Variants in PDE1A observed in about 807,000 individuals in gnomAD.
The protein encoded by PDE1A is dual specificity calcium/calmodulin-dependent 3',5'-cyclic nucleotide phosphodiesterase 1A.
PDE1A carries 35 observed loss-of-function variants against 61.7 expected under a neutral mutation model. The ratio of observed to expected loss-of-function variants is 0.57; its 90% confidence interval spans 0.43 to 0.75. The LOEUF (loss-of-function observed/expected upper bound fraction) is 0.75. PDE1A is among the 30% of genes least tolerant of loss of function. The pLI is 0.00. For missense variants in PDE1A, 597 were observed against 630.6 expected (o/e 0.95, Z 0.57); for synonymous variants, 232 against 213.2 (o/e 1.09, Z -0.77).
intron 8 of PDE1A, among the ~76,000 whole-genome samples, chr2:182,204,277 A>G (rs2125490707): frequency 6.6e-6 from 1 of 152,346 alleles, no homozygotes; most frequent in South Asian, 2.1e-4. Context: ...ACCTTTGCCC[A>G]TCTAATCGCT....
chr2:182,588,562 C>A, the PDE1A span, among the ~76,000 whole-genome samples: 1 of 152,248 alleles, frequency 6.6e-6, no homozygotes, highest in East Asian at 1.9e-4. Context: ...AACCATATGA[C>A]CCTTTTTCAT....
chr2:182,350,022 A>G (rs1472702125), intron 1 of PDE1A, among the ~76,000 whole-genome samples: 4 of 152,326 alleles, frequency 2.6e-5, no homozygotes, highest in Non-Finnish European at 4.4e-5. Flanking sequence ...AAATATTATC[A>G]GGACACTGAA....
the PDE1A span, among the ~76,000 whole-genome samples, chr2:182,563,767 T>C: frequency 6.6e-6 from 1 of 152,208 alleles, no homozygotes; most frequent in African/African-American, 2.4e-5. Flanking sequence ...ATATTTAGGA[T>C]AGTTAGCTCT....
intron 1 of PDE1A, among the ~76,000 whole-genome samples, chr2:182,364,488 A>AACAAACAAAAAC (rs1553602127): frequency 6.9e-6 from 1 of 145,164 alleles, no homozygotes. Context: ...AAAAAAAAAA[A>AACAAACAAAAAC]AAAAAAAAAA....
At chr2:182,513,635 A>G (rs1689956049) in intron 2 of PDE1A, among the ~76,000 whole-genome samples, 2 of 152,184 alleles carry the variant, frequency 1.3e-5, no homozygotes, top group South Asian at 4.1e-4. Flanking sequence ...CGCCCCACTT[A>G]AAAAGCACGA....
At chr2:182,386,001 G>C (rs766495607) in intron 1 of PDE1A, among the ~76,000 whole-genome samples, 2 of 152,302 alleles carry the variant, frequency 1.3e-5, no homozygotes, top group South Asian at 2.1e-4. Context: ...CTGTGATTGC[G>C]GGCGTGTGCC....
At chr2:182,689,352 C>A in the PDE1A span, among the ~76,000 whole-genome samples, 60 of 152,116 alleles carry the variant, frequency 3.9e-4, no homozygotes, top group African/African-American at 1.3e-3. Flanking sequence ...TGCAATCAAA[C>A]TAGAACTCAG....
Position 182,259,778 on chromosome 2 carries a change from A to G in PDE1A, c.167+4523T>C, listed in dbSNP as rs202200289. On this transcript the variant is annotated intron_variant, in intron 2 of 13. Transcript: ENST00000351439. ...TAGTAAGCACAATACCGATCTTGAAAGTATATCTCTCAGGCAGCTGCCTGC... is the reference window on the plus strand; with the variant it reads ...TAGTAAGCACAATACCGATCTTGAAGGTATATCTCTCAGGCAGCTGCCTGC... Among the ~76,000 whole-genome samples the G allele has an allele frequency of 9.8e-5, 15 of 152,334 alleles. No individual in the cohort carries two copies. In the East Asian group the frequency reaches 2.9e-3, roughly 29 times the overall value.
intron 13 of PDE1A, among the ~76,000 whole-genome samples, chr2:182,177,408 G>T (rs1247123329): frequency 1.3e-5 from 2 of 151,808 alleles, no homozygotes. Context: ...TCCTGGTTTA[G>T]TCTTGGGAGA....
rs145817302 is a variant in PDE1A at position 182,521,779 on chromosome 2, T to C, written c.101+497A>G. Among the ~76,000 whole-genome samples the C allele has an allele frequency of 3.1e-4, 47 of 152,270 alleles. No individual in the cohort carries two copies. The East Asian group carries it at 7.3e-3, about 24-fold the overall frequency. Reference sequence around the variant, plus strand: ...GTTTGATATGCTGTTAATATTTTTATCACGTAAACATTTTTTCTTATAGAA... The same window carrying C: ...GTTTGATATGCTGTTAATATTTTTACCACGTAAACATTTTTTCTTATAGAA... On this transcript the variant is annotated intron_variant, in intron 2 of 14. Coordinates refer to the PDE1A transcript ENST00000410103.
chr2:182,271,582 T>G (rs1358122304), intron 1 of PDE1A, among the ~76,000 whole-genome samples: 1 of 152,062 alleles, frequency 6.6e-6, no homozygotes, highest in African/African-American at 2.4e-5. Flanking sequence ...ATTCAAAGAG[T>G]TAGAAATGCT....
At chr2:182,658,569 A>G in the PDE1A span, among the ~76,000 whole-genome samples, 4 of 152,234 alleles carry the variant, frequency 2.6e-5, no homozygotes, top group Admixed American at 6.5e-5. Context: ...TCGTGATTCT[A>G]TAATGACATA....
chr2:182,238,216 C>G (rs1248658710), intron 3 of PDE1A, among the ~76,000 whole-genome samples: 6 of 144,426 alleles, frequency 4.2e-5, no homozygotes, highest in Non-Finnish European at 5.9e-5. Context: ...TTGCAGGGAG[C>G]CGAGATCGCG....
At chr2:182,709,183 A>T in the PDE1A span, among the ~76,000 whole-genome samples, 11 of 152,002 alleles carry the variant, frequency 7.2e-5, no homozygotes, top group Non-Finnish European at 1.6e-4. Flanking sequence ...AAAAAAAAAA[A>T]ATTTAGAAAA....
the PDE1A span, among the ~76,000 whole-genome samples, chr2:182,565,465 T>TG: frequency 6.6e-6 from 1 of 152,080 alleles, no homozygotes; most frequent in African/African-American, 2.4e-5. Flanking sequence ...CTGCCCCTAC[T>TG]GGGGGGTGCC....
At chr2:182,555,810 T>C in the PDE1A span, among the ~76,000 whole-genome samples, 3 of 151,140 alleles carry the variant, frequency 2.0e-5, no homozygotes, top group African/African-American at 4.9e-5. Flanking sequence ...CTACTAAAAA[T>C]ACAAAAATTA....
chr2:182,219,890 A>T (rs1688575870), intron 7 of PDE1A, among the ~76,000 whole-genome samples: 1 of 152,158 alleles, frequency 6.6e-6, no homozygotes, highest in Admixed American at 6.6e-5. Flanking sequence ...TTATCATGTT[A>T]TATACCATAA....
chr2:182,375,846 A>G (rs112991326), intron 1 of PDE1A, among the ~76,000 whole-genome samples: 2 of 152,218 alleles, frequency 1.3e-5, no homozygotes, highest in African/African-American at 4.8e-5. Flanking sequence ...CCAAACCCCA[A>G]TTCTTCACTT....
intron 2 of PDE1A, among the ~76,000 whole-genome samples, chr2:182,496,933 T>C (rs541927795): frequency 2.6e-5 from 4 of 152,362 alleles, no homozygotes; most frequent in South Asian, 4.1e-4. Flanking sequence ...ACCAGTGGGT[T>C]TTCTTTCCTG....
Sources: gnomAD v4.1 joint callset for allele counts (sites outside exome capture counted in the v4.1 genomes callset) on GRCh38, gnomAD v4.1.1 for gene constraint, MANE v1.5 for transcripts, NCBI Gene and HGNC (gene_info 2026-07-23, HGNC 2026-07-21) for gene names.